Variants in LAMA3 observed in about 807,000 individuals in gnomAD.
LAMA3 encodes the protein laminin subunit alpha-3.
A neutral mutation model predicts 402.0 loss-of-function variants in LAMA3; 281 were observed. The ratio of observed to expected loss-of-function variants is 0.70; its 90% CI spans 0.63 to 0.77. The LOEUF is 0.77. Among genes scored for constraint, LAMA3 ranks in the 30% least tolerant of loss-of-function variants. The probability of loss-of-function intolerance (pLI) is 0.00; values close to 1 mark genes in which losing one functional copy is unlikely to be tolerated. For synonymous variants in LAMA3, 1,431 were observed against 1,558.4 expected (o/e 0.92, Z 1.93); for missense variants, 3,840 against 4,215.5 (o/e 0.91, Z 2.47).
At chr18:23,863,705 C>A (rs1298049326) in intron 35 of LAMA3, among the ~76,000 whole-genome samples, 1 of 152,182 alleles carries the variant, frequency 6.6e-6, no homozygotes. Context: ...CTTCTTTCCC[C>A]TGCCTGCTCT....
rs767577028 is a variant in LAMA3, at chr18:23,952,979, C to T, written c.9737-11C>T. On this transcript the variant is annotated splice_polypyrimidine_tract_variant and intron_variant, in intron 73 of 74. Transcript: ENST00000313654. The stretch of plus-strand genomic sequence containing the variant: ...CTCCGATGATAGACCTAACCAGCCT[C>T]CTTTCCCCAGTCACCATAAAACAAC... 10 of 1,613,888 alleles carry T rather than the reference C, an allele frequency of 6.2e-6. No individual in the cohort carries two copies. The highest frequency in any genetic ancestry group is 1.6e-4 in the Middle Eastern group (1 of 6,082).
At chr18:23,750,772 A>G (rs2143569391) in intron 4 of LAMA3, 146 bp from the exon 5 acceptor site, 1 of 793,430 alleles carries the variant, frequency 1.3e-6, no homozygotes, top group East Asian at 2.6e-5. Flanking sequence ...GTTTTTAGAC[A>G]TAAACAAGAC....
At position 23,880,770 on chromosome 18, in the gene LAMA3, G is replaced by A. The variant is rs369179534; in HGVS notation, c.5113-1166G>A. Among the ~76,000 whole-genome samples the A allele has an allele frequency of 1.8e-3, 270 of 152,204 alleles. 2 individuals carry two copies. The highest frequency in any genetic ancestry group is 5.9e-3 in the African/African-American group (246 of 41,520). ...TGGGTGCCTGTAATCCCAGCTACTC[G>A]GGAGGCTGAGGCAGGAGAATCACTT... On this transcript the variant is annotated intron_variant, in intron 39 of 74. Transcript: ENST00000313654.
intron 11 of LAMA3, among the ~76,000 whole-genome samples, chr18:23,779,041 C>A (rs940705298): frequency 1.5e-4 from 23 of 152,124 alleles, no homozygotes; most frequent in African/African-American, 5.5e-4. Flanking sequence ...GGGGCAGGGG[C>A]AGCCCTGGGC....
intron 32 of LAMA3, among the ~76,000 whole-genome samples, chr18:23,853,505 T>C (rs57041936): frequency 0.034 from 5,220 of 152,226 alleles, 189 homozygotes; most frequent in African/African-American, 0.093. Context: ...ACTCCCGACC[T>C]CAGGTGATCC....
At chr18:23,768,942 A>T (rs1400629656) in intron 8 of LAMA3, among the ~76,000 whole-genome samples, 1 of 152,180 alleles carries the variant, frequency 6.6e-6, no homozygotes, top group Non-Finnish European at 1.5e-5. Context: ...AACATTGGGT[A>T]CTCATGGACA....
At chr18:23,743,140 TAGA>T (rs1408678383) in intron 2 of LAMA3, among the ~76,000 whole-genome samples, 2 of 152,260 alleles carry the variant, frequency 1.3e-5, no homozygotes, top group African/African-American at 4.8e-5. Context: ...GGTGCTCTTT[TAGA>T]AGGAGAATAT....
At chr18:23,806,760 T>C (rs1417632592) in intron 12 of LAMA3, among the ~76,000 whole-genome samples, 1 of 152,192 alleles carries the variant, frequency 6.6e-6, no homozygotes, top group Non-Finnish European at 1.5e-5. Context: ...TGAAGATTCT[T>C]GGTTTGGTTT....
chr18:23,828,460 C>T (rs1250581573), intron 23 of LAMA3, among the ~76,000 whole-genome samples: 2 of 152,160 alleles, frequency 1.3e-5, no homozygotes, highest in East Asian at 3.8e-4. Context: ...ACTAAGTTTG[C>T]TGTATCCCTC....
intron 68 of LAMA3, 100 bp from the exon 69 acceptor site, chr18:23,943,678 CATTTGAAAAA>C: frequency 1.0e-6 from 1 of 954,508 alleles, no homozygotes; most frequent in South Asian, 1.3e-5. Context: ...TTAGCTTATC[CATTTGAAAAA>C]TGGGGGTTGG....
intron 6 of LAMA3, among the ~76,000 whole-genome samples, chr18:23,758,035 A>AT (rs2061886896): frequency 6.6e-6 from 1 of 152,198 alleles, no homozygotes; most frequent in African/African-American, 2.4e-5. Flanking sequence ...ACATCTCAGT[A>AT]AAGTCAGCAC....
chr18:23,845,012 C>T lies in LAMA3; in HGVS notation c.3607C>T (p.Arg1203Cys), dbSNP rs371559286. The T allele has an allele frequency of 4.4e-5, 69 of 1,556,564 alleles. No homozygotes were observed. The highest frequency in any genetic ancestry group is 1.7e-4 in the Middle Eastern group (1 of 5,960). ...CATGCTGGTGGATTTCTTTCAGGTC[C>T]GTGTTCTAGTGGTGCCTGCAGAAAA... Reference protein sequence around the residue: ...VPEGKSLVLVRVLVVPAENYD... With the variant: ...VPEGKSLVLVCVLVVPAENYD... The change falls in exon 30 of 75, where the codon CGT becomes TGT. Residue 1203 changes from arginine (R) to cysteine (C), a missense_variant. Arg to Cys is a radical substitution (Grantham distance 180, BLOSUM62 -3). Transcript: ENST00000313654.
chr18:23,870,481 C>T (rs770687050), intron 37 of LAMA3, among the ~76,000 whole-genome samples: 1 of 152,140 alleles, frequency 6.6e-6, no homozygotes, highest in Non-Finnish European at 1.5e-5. Context: ...AGTCCCACTT[C>T]TGGATATCTA....
intron 34 of LAMA3, among the ~76,000 whole-genome samples, chr18:23,860,253 T>C (rs1326770520): frequency 7.7e-6 from 1 of 129,996 alleles, no homozygotes; most frequent in Non-Finnish European, 1.7e-5. Flanking sequence ...TTTGGTCACT[T>C]TTCTTTTCTT....
At position 23,909,291 on chromosome 18, in the gene LAMA3, G is replaced by GC; in HGVS notation, c.7154_7155insC (p.Lys2386Ter). On this transcript the variant is annotated frameshift_variant, in exon 55 of 75. Transcript: ENST00000313654. LOFTEE classifies it high-confidence loss of function. ...ATTCAGCAGGCCAGAGATGCTGCCA[G>GC]TAAGGTGAGTGTGTCCCCACGTGGT... 6.2e-7 allele frequency: 1 copy of GC among 1,611,518 alleles called. No homozygotes were observed. The highest frequency in any genetic ancestry group is 8.5e-7 in the Non-Finnish European group (1 of 1,179,912).
At chr18:23,837,570 G>GATAGATAGATATATATAT (rs368371253) in intron 25 of LAMA3, among the ~76,000 whole-genome samples, 1 of 83,284 alleles carries the variant, frequency 1.2e-5, no homozygotes, top group African/African-American at 4.5e-5. Flanking sequence ...CAGTTAATCA[G>GATAGATAGATATATATAT]ATATATATAT....
At chr18:23,794,942 T>G (rs1331116550) in intron 12 of LAMA3, among the ~76,000 whole-genome samples, 1 of 152,268 alleles carries the variant, frequency 6.6e-6, no homozygotes, top group Non-Finnish European at 1.5e-5. Context: ...TATCTTTAAA[T>G]GTATGTTATA....
chr18:23,698,516 T>A (rs1598600063), intron 1 of LAMA3, among the ~76,000 whole-genome samples: 1 of 152,222 alleles, frequency 6.6e-6, no homozygotes, highest in Admixed American at 6.5e-5. Flanking sequence ...CTCTTCTTTT[T>A]TATCTCTTGC....
intron 6 of LAMA3, among the ~76,000 whole-genome samples, chr18:23,757,168 A>G (rs1416303167): frequency 1.3e-5 from 2 of 151,900 alleles, no homozygotes; most frequent in Admixed American, 6.6e-5. Flanking sequence ...GCACGCTCCT[A>G]GGAAAACAAC....
Sources: allele counts gnomAD v4.1 joint callset (sites outside exome capture counted in the v4.1 genomes callset), GRCh38; gene constraint gnomAD v4.1.1; transcripts MANE v1.5; gene names NCBI Gene and HGNC (gene_info 2026-07-23, HGNC 2026-07-21).